Variants in RBFOX1 observed in about 807,000 individuals in gnomAD.
RBFOX1 encodes the protein RNA binding protein fox-1 homolog 1.
RBFOX1 carries 8 observed loss-of-function variants against 57.7 expected under a neutral mutation model. The ratio of observed to expected loss-of-function variants is 0.14; its 90% CI spans 0.08 to 0.25. RBFOX1 has a LOEUF of 0.25. Among genes scored for constraint, RBFOX1 ranks in the 10% least tolerant of loss-of-function variants. The pLI is 1.00. For missense variants in RBFOX1, 611 were observed against 548.5 expected (o/e 1.11, Z -1.14); for synonymous variants, 326 against 222.4 (o/e 1.47, Z -4.15).
intron 3 of RBFOX1, among the ~76,000 whole-genome samples, chr16:5,829,684 G>T (rs546762595): frequency 2.2e-5 from 3 of 134,774 alleles, no homozygotes; most frequent in Non-Finnish European, 4.9e-5. Flanking sequence ...AGGCATTGAC[G>T]CAAGAGAACA....
At chr16:5,921,325 A>C (rs1360754004) in intron 4 of RBFOX1, among the ~76,000 whole-genome samples, 3 of 152,148 alleles carry the variant, frequency 2.0e-5, no homozygotes, top group African/African-American at 2.4e-5. Context: ...AAGTGTTCAC[A>C]TCCTGTCCCC....
intron 3 of RBFOX1, among the ~76,000 whole-genome samples, chr16:5,746,605 T>G (rs540418329): frequency 9.2e-5 from 14 of 152,334 alleles, no homozygotes; most frequent in African/African-American, 2.6e-4. Flanking sequence ...TGTGTCCTCT[T>G]TTATTTCATT....
chr16:5,834,980 T>A (rs547703537), intron 3 of RBFOX1, among the ~76,000 whole-genome samples: 1 of 152,318 alleles, frequency 6.6e-6, no homozygotes, highest in Non-Finnish European at 1.5e-5. Context: ...GCGTAAGTGT[T>A]CCCTTTGAGA....
intron 10 of RBFOX1, among the ~76,000 whole-genome samples, chr16:7,616,563 A>G (rs1245798928): frequency 6.6e-6 from 1 of 152,136 alleles, no homozygotes; most frequent in Non-Finnish European, 1.5e-5. Context: ...TACAAAAACA[A>G]TTTTGTTTTT....
At chr16:7,544,995 C>T (rs2084024354) in intron 5 of RBFOX1, among the ~76,000 whole-genome samples, 2 of 152,138 alleles carry the variant, frequency 1.3e-5, no homozygotes, top group Non-Finnish European at 2.9e-5. Context: ...AATGAGTGAA[C>T]AGAGCTGTTG....
chr16:7,125,719 A>C (rs1304337593), intron 4 of RBFOX1, among the ~76,000 whole-genome samples: 8 of 152,162 alleles, frequency 5.3e-5, no homozygotes, highest in African/African-American at 1.7e-4. Context: ...CAGATGCCTA[A>C]ACTCCCTTTG....
At chr16:5,719,517 A>T (rs1380040319) in intron 3 of RBFOX1, among the ~76,000 whole-genome samples, 1 of 151,412 alleles carries the variant, frequency 6.6e-6, no homozygotes, top group African/African-American at 2.4e-5. Context: ...AATTTTTTTT[A>T]TTATTAACCA....
chr16:6,160,681 G>C (rs2096871571), intron 1 of RBFOX1, among the ~76,000 whole-genome samples: 2 of 152,136 alleles, frequency 1.3e-5, no homozygotes, highest in African/African-American at 2.4e-5. Context: ...CCTCATCCTT[G>C]CTTGCAAGGC....
At chr16:7,526,342 C>T (rs767606585) in intron 5 of RBFOX1, among the ~76,000 whole-genome samples, 1 of 152,142 alleles carries the variant, frequency 6.6e-6, no homozygotes, top group African/African-American at 2.4e-5. Flanking sequence ...CGTGGCTGCC[C>T]TCTAGCTTAG....
intron 3 of RBFOX1, among the ~76,000 whole-genome samples, chr16:5,853,848 T>A (rs886270411): frequency 6.6e-6 from 1 of 152,160 alleles, no homozygotes; most frequent in Non-Finnish European, 1.5e-5. Context: ...CTTGAACTCC[T>A]GGCCTCAAGC....
At chr16:6,819,056 G>A (rs951984045) in intron 3 of RBFOX1, among the ~76,000 whole-genome samples, 2 of 152,162 alleles carry the variant, frequency 1.3e-5, no homozygotes, top group Non-Finnish European at 2.9e-5. Context: ...TTGTATAAGC[G>A]ACTTGAATGA....
chr16:5,432,537 GT>G (rs796803782), intron 1 of RBFOX1, among the ~76,000 whole-genome samples: 2,449 of 109,362 alleles, frequency 0.022, 66 homozygotes, highest in African/African-American at 0.073. Flanking sequence ...CAACTGGGGA[GT>G]TTTTTTTTTT....
intron 3 of RBFOX1, among the ~76,000 whole-genome samples, chr16:7,022,793 C>G (rs1187509874): frequency 6.6e-6 from 1 of 152,168 alleles, no homozygotes; most frequent in African/African-American, 2.4e-5. Context: ...ATCCATGAGA[C>G]AAGTTCTATT....
At chr16:7,064,244 C>T (rs1326430036) in intron 4 of RBFOX1, among the ~76,000 whole-genome samples, 1 of 145,148 alleles carries the variant, frequency 6.9e-6, no homozygotes, top group East Asian at 2.1e-4. Flanking sequence ...TCTCTGCTCA[C>T]TGCAACTTCC....
At chr16:5,552,500 C>G (rs938223715) in intron 2 of RBFOX1, among the ~76,000 whole-genome samples, 2 of 152,218 alleles carry the variant, frequency 1.3e-5, no homozygotes, top group African/African-American at 4.8e-5. Flanking sequence ...AGTTTAGTAA[C>G]TTACTTAAAA....
intron 3 of RBFOX1, among the ~76,000 whole-genome samples, chr16:5,654,697 T>C (rs2151375076): frequency 6.6e-6 from 1 of 152,292 alleles, no homozygotes; most frequent in Non-Finnish European, 1.5e-5. Context: ...GTCTGGGTCC[T>C]GTGGATCCTA....
chr16:7,557,220 T>C (rs571530157), intron 5 of RBFOX1, among the ~76,000 whole-genome samples: 3 of 152,262 alleles, frequency 2.0e-5, no homozygotes, highest in African/African-American at 7.2e-5. Flanking sequence ...TTTCTTCCTA[T>C]AGCTGAGGGC....
chr16:6,963,747 G>A (rs1051505850), intron 3 of RBFOX1, among the ~76,000 whole-genome samples: 3 of 152,140 alleles, frequency 2.0e-5, no homozygotes, highest in Non-Finnish European at 4.4e-5. Flanking sequence ...TGCCCAGGCT[G>A]GAGTGCATTG....
chr16:7,649,407 A>G (rs1011764496), intron 11 of RBFOX1, among the ~76,000 whole-genome samples: 2 of 152,222 alleles, frequency 1.3e-5, no homozygotes, highest in African/African-American at 2.4e-5. Context: ...AACATAATCA[A>G]TCTGTTTCCT....
Sources: gnomAD v4.1 joint callset for allele counts (sites outside exome capture counted in the v4.1 genomes callset) on GRCh38, gnomAD v4.1.1 for gene constraint, MANE v1.5 for transcripts, NCBI Gene and HGNC (gene_info 2026-07-23, HGNC 2026-07-21) for gene names.